The following RUNX2 variants were observed in gnomAD, a reference collection of about 807,000 sequenced individuals.
RUNX2 encodes the protein runt-related transcription factor 2.
RUNX2 carries 10 observed loss-of-function variants against 51.7 expected under a neutral mutation model. That is an observed-to-expected ratio of 0.19 (90% CI 0.12 to 0.33). The LOEUF (loss-of-function observed/expected upper bound fraction) is 0.33, where lower values mean the gene tolerates loss of function less well. Among genes scored for constraint, RUNX2 ranks in the 10% least tolerant of loss-of-function variants. RUNX2 has a pLI of 1.00. For synonymous variants in RUNX2, 276 were observed against 273.6 expected (o/e 1.01, Z -0.09); for missense variants, 562 against 691.3 (o/e 0.81, Z 2.10).
At chr6:45,432,452 A>C (rs955632203) in intron 4 of RUNX2, among the ~76,000 whole-genome samples, 1 of 152,198 alleles carries the variant, frequency 6.6e-6, no homozygotes, top group African/African-American at 2.4e-5. Flanking sequence ...CACTTATCAC[A>C]GGTTACCTCT....
intron 7 of RUNX2, among the ~76,000 whole-genome samples, chr6:45,543,137 T>C (rs929033600): frequency 2.0e-5 from 3 of 152,222 alleles, no homozygotes; most frequent in African/African-American, 7.2e-5. Flanking sequence ...ATGTTTATTG[T>C]ATAGTGTATT....
intron 5 of RUNX2, among the ~76,000 whole-genome samples, chr6:45,485,276 C>T (rs1303851196): frequency 6.6e-6 from 1 of 150,456 alleles, no homozygotes; most frequent in Non-Finnish European, 1.5e-5. Flanking sequence ...GATCTCAGCT[C>T]ACCGCAACCT....
chr6:45,473,755 A>G lies in RUNX2; in HGVS notation c.686-18186A>G, dbSNP rs142121052. Among the ~76,000 whole-genome samples the G allele has an allele frequency of 1.2e-4, 18 of 152,354 alleles. No individual in the cohort carries two copies. The East Asian group carries it at 3.5e-3, about 29-fold the overall frequency. ...CAGGAAATAAACCTCTGTTAAAACC[A>G]TATGGCACTATTCTCAGAAGAGATG... On this transcript the variant is annotated intron_variant, in intron 5 of 8. Transcript: ENST00000647337.
intron 2 of RUNX2, among the ~76,000 whole-genome samples, chr6:45,362,671 T>C (rs1023976285): frequency 4.6e-5 from 7 of 152,306 alleles, no homozygotes; most frequent in East Asian, 3.9e-4. Flanking sequence ...ATGTAACTAT[T>C]AGGAGTGGCC....
At chr6:45,474,373 ATGTGTG>A (rs56719456) in intron 5 of RUNX2, among the ~76,000 whole-genome samples, 2,815 of 149,482 alleles carry the variant, frequency 0.019, 66 homozygotes, top group East Asian at 0.096. Flanking sequence ...TGTTTTATAT[ATGTGTG>A]TGTGTGTGTG....
At chr6:45,514,910 T>G (rs930433643) in intron 7 of RUNX2, among the ~76,000 whole-genome samples, 7 of 151,864 alleles carry the variant, frequency 4.6e-5, no homozygotes, top group Admixed American at 3.9e-4. Flanking sequence ...CATGTGAGAC[T>G]TAAGCATGAG....
At chr6:45,462,552 A>C (rs767558739) in intron 5 of RUNX2, among the ~76,000 whole-genome samples, 48 of 152,358 alleles carry the variant, frequency 3.2e-4, no homozygotes, top group Admixed American at 1.1e-3. Flanking sequence ...GTAGTTTTGA[A>C]TAATTCGTCA....
chr6:45,491,965 C>T lies in RUNX2; in HGVS notation c.710C>T (p.Ser237Phe). 3.1e-6 allele frequency: 5 copies of T among 1,613,922 alleles called. No homozygotes were observed. Among genetic ancestry groups the T allele is most frequent in the Non-Finnish European group, 3.4e-6 (4 of 1,179,882 alleles). Residue 237 changes from serine to phenylalanine, a missense_variant, in exon 6 of 9, where the codon TCT becomes TTT. Around this residue, in one of 5 missense-constraint regions of RUNX2, gnomAD observed 37 missense variants for 66.5 expected, o/e 0.56. Transcript: ENST00000647337. Reference protein sequence around the residue: ...PRRHRQKLDDSKPSLFSDRLS... With the variant: ...PRRHRQKLDDFKPSLFSDRLS... ...GGGCACAGACAGAAGCTTGATGACT[C>T]TAAACCTAGTTTGTTCTCTGACCGC...
chr6:45,543,501 C>T (rs187326725), intron 7 of RUNX2, among the ~76,000 whole-genome samples: 6 of 152,126 alleles, frequency 3.9e-5, no homozygotes, highest in Non-Finnish European at 8.8e-5. Context: ...GAGCTCTGAG[C>T]GTACCAGGCA....
chr6:45,380,520 GC>G (rs1797214764), intron 2 of RUNX2, among the ~76,000 whole-genome samples: 2 of 152,198 alleles, frequency 1.3e-5, no homozygotes, highest in Admixed American at 1.3e-4. Flanking sequence ...TCTCAAAAGA[GC>G]AGCAGAAGTC....
chr6:45,422,478 TCCCCCCG>T, intron 2 of RUNX2, 108 bp from the exon 3 acceptor site: 1 of 569,518 alleles, frequency 1.8e-6, no homozygotes, highest in Non-Finnish European at 2.8e-6. Context: ...CCATCCTCTT[TCCCCCCG>T]TCTCGCCTTC....
chr6:45,360,485 C>T (rs531057892), intron 2 of RUNX2, among the ~76,000 whole-genome samples: 1 of 152,272 alleles, frequency 6.6e-6, no homozygotes, highest in African/African-American at 2.4e-5. Flanking sequence ...TTGAAGGAAG[C>T]CTGTGTTAGC....
intron 2 of RUNX2, among the ~76,000 whole-genome samples, chr6:45,408,971 G>A (rs1230401550): frequency 6.6e-6 from 1 of 152,192 alleles, no homozygotes; most frequent in East Asian, 1.9e-4. Context: ...TTTACTGTAT[G>A]AATATTTGGT....
In RUNX2 at chr6:45,331,871, G is replaced by A. The variant is rs190227897; in HGVS notation, c.58+3087G>A. Among the ~76,000 whole-genome samples, 9 of 151,960 alleles carry A rather than the reference G, an allele frequency of 5.9e-5. No individual in the cohort carries two copies. The East Asian group carries it at 1.7e-3, about 29-fold the overall frequency. On this transcript the variant is annotated intron_variant, in intron 2 of 8. Transcript: ENST00000647337. ...CAGCTAACAACTGATAGTTTGACTT[G>A]TTTAAATCAGTCATGCTAAAGTTAA...
At chr6:45,400,180 A>G in intron 2 of RUNX2, among the ~76,000 whole-genome samples, 1 of 134,588 alleles carries the variant, frequency 7.4e-6, no homozygotes, top group African/African-American at 2.6e-5. Context: ...GGAAAGAAGG[A>G]GGGAATGAGG....
intron 2 of RUNX2, among the ~76,000 whole-genome samples, chr6:45,395,429 G>T (rs1332809332): frequency 6.6e-6 from 1 of 152,078 alleles, no homozygotes; most frequent in African/African-American, 2.4e-5. Flanking sequence ...TAGGTGTTAG[G>T]TTATTTTAGT....
At position 45,547,046 on chromosome 6, in the gene RUNX2, C is replaced by G; in HGVS notation, c.1307C>G (p.Pro436Arg). Residue 436 changes from proline to arginine, a missense_variant, in exon 9 of 9, where the codon CCC becomes CGC. Coordinates refer to ENST00000647337, the MANE Select transcript of RUNX2 (RefSeq NM_001024630.4). ...YPGSSQSQSG[P>R]FQTSSTPYLY... The stretch of plus-strand genomic sequence containing the variant: ...GGCTCTTCCCAAAGCCAGAGTGGAC[C>G]CTTCCAGACCAGCAGCACTCCATAT... 3 of 1,614,124 alleles carry G rather than the reference C, an allele frequency of 1.9e-6. No homozygotes were observed. The highest frequency in any genetic ancestry group is 2.5e-6 in the Non-Finnish European group (3 of 1,180,028).
intron 2 of RUNX2, among the ~76,000 whole-genome samples, chr6:45,394,959 T>G (rs55978992): frequency 2.0e-3 from 308 of 152,020 alleles, no homozygotes; most frequent in Non-Finnish European, 3.6e-3. Flanking sequence ...TGGGTGTGTG[T>G]GGGGGGGAGG....
chr6:45,440,178 C>T (rs1798802198), intron 5 of RUNX2, among the ~76,000 whole-genome samples: 1 of 152,170 alleles, frequency 6.6e-6, no homozygotes, highest in Non-Finnish European at 1.5e-5. Flanking sequence ...TTGACGAAGT[C>T]AGTGTCTGGA....
Sources: gnomAD v4.1 joint callset for allele counts (sites outside exome capture counted in the v4.1 genomes callset) on GRCh38, gnomAD v4.1.1 for gene constraint, gnomAD v4.1.1 regional missense constraint, MANE v1.5 for transcripts, NCBI Gene and HGNC (gene_info 2026-07-23, HGNC 2026-07-21) for gene names.